Variants in KCTD16 observed in about 807,000 individuals in gnomAD.
KCTD16 encodes potassium channel tetramerization domain containing 16.
A neutral mutation model predicts 33.2 loss-of-function variants in KCTD16; 13 were observed. The ratio of observed to expected loss-of-function variants is 0.39; its 90% CI spans 0.25 to 0.62. The LOEUF (loss-of-function observed/expected upper bound fraction) is 0.62. Among genes scored for constraint, KCTD16 ranks in the 20% least tolerant of loss-of-function variants. The probability of loss-of-function intolerance (pLI) is 0.50; values close to 1 mark genes in which losing one functional copy is unlikely to be tolerated. For missense variants in KCTD16, 441 were observed against 525.1 expected (o/e 0.84, Z 1.57); for synonymous variants, 197 against 195.3 (o/e 1.01, Z -0.07).
chr5:144,176,422 G>A (rs1260046745), intron 2 of KCTD16, among the ~76,000 whole-genome samples: 2 of 125,236 alleles, frequency 1.6e-5, no homozygotes, highest in Admixed American at 9.8e-5. Context: ...TTGAGACGGA[G>A]TCTCGCTCTG....
chr5:144,372,334 T>C (rs540487250), intron 3 of KCTD16, among the ~76,000 whole-genome samples: 19 of 152,164 alleles, frequency 1.2e-4, no homozygotes, highest in Non-Finnish European at 2.2e-4. Context: ...AGTTGGCTAT[T>C]CATTCATTTA....
rs1289724004 is a variant in KCTD16 at position 144,440,225 on chromosome 5, T to C, written c.833-33435T>C. On this transcript the variant is annotated intron_variant, in intron 3 of 3. Transcript: ENST00000512467. ...TCATCATTTTGTCTTAAAATGTATC[T>C]GTTGAAAACACAGGCTGTTTGAACT... Among the ~76,000 whole-genome samples, 5 of 152,340 alleles carry C rather than the reference T, an allele frequency of 3.3e-5. No individual in the cohort carries two copies. In the South Asian group the frequency reaches 1.0e-3, roughly 32 times the overall value.
At position 144,263,457 on chromosome 5, in the gene KCTD16, C is replaced by A. The variant is rs1233437886; in HGVS notation, c.832+55911C>A. 3.3e-5 allele frequency among the ~76,000 whole-genome samples: 5 copies of A among 152,152 alleles called. No individual in the cohort carries two copies. In the East Asian group the frequency reaches 5.8e-4, roughly 18 times the overall value. On this transcript the variant is annotated intron_variant, in intron 3 of 3. Coordinates refer to ENST00000512467, the MANE Select transcript of KCTD16 (RefSeq NM_020768.4). ...CTATGAACAAATGTTAGAATCGGAGCCTTTGAATAGAAAATGGTATCTGGT... is the reference window on the plus strand; with the variant it reads ...CTATGAACAAATGTTAGAATCGGAGACTTTGAATAGAAAATGGTATCTGGT...
intron 3 of KCTD16, among the ~76,000 whole-genome samples, chr5:144,278,483 TTC>T (rs1162859130): frequency 7.3e-6 from 1 of 137,850 alleles, no homozygotes; most frequent in Admixed American, 7.4e-5. Context: ...TTTGTTAGTC[TTC>T]TTTTTTTTTT....
intron 3 of KCTD16, among the ~76,000 whole-genome samples, chr5:144,470,851 G>A (rs1754452552): frequency 6.6e-6 from 1 of 152,200 alleles, no homozygotes; most frequent in African/African-American, 2.4e-5. Context: ...TGAATATACA[G>A]AAATTTTTCA....
chr5:144,317,065 A>G (rs1171262951), intron 3 of KCTD16, among the ~76,000 whole-genome samples: 1 of 151,590 alleles, frequency 6.6e-6, no homozygotes, highest in African/African-American at 2.4e-5. Context: ...TGAACTCGTG[A>G]TCTGCCCGCC....
intron 3 of KCTD16, among the ~76,000 whole-genome samples, chr5:144,287,511 T>C (rs1755777777): frequency 1.3e-5 from 2 of 152,186 alleles, no homozygotes; most frequent in African/African-American, 2.4e-5. Context: ...CCATCCAAGA[T>C]TAATGGCTGA....
intron 3 of KCTD16, among the ~76,000 whole-genome samples, chr5:144,443,046 G>T (rs1472504306): frequency 3.3e-5 from 5 of 152,112 alleles, no homozygotes; most frequent in Admixed American, 2.0e-4. Context: ...AAATAAGAGA[G>T]CTCAAGTTCT....
rs548144596 is a variant in KCTD16, at chr5:144,438,648, T to A, written c.833-35012T>A. On this transcript the variant is annotated intron_variant, in intron 3 of 3. Transcript: ENST00000512467. ...GTATCTTTTGAAAACATAGGCTGGG[T>A]CACTGGCCTCTCCAGCTCTCCTTAG... 7.9e-5 allele frequency among the ~76,000 whole-genome samples: 12 copies of A among 152,294 alleles called. No homozygotes were observed. The East Asian group carries it at 2.3e-3, about 29-fold the overall frequency.
At chr5:144,396,215 C>T (rs762721918) in intron 3 of KCTD16, among the ~76,000 whole-genome samples, 7 of 152,116 alleles carry the variant, frequency 4.6e-5, no homozygotes, top group Non-Finnish European at 1.0e-4. Context: ...CTGTCCCTCC[C>T]TTACATTTAA....
chr5:144,426,218 C>A (rs1021698964), intron 3 of KCTD16, among the ~76,000 whole-genome samples: 5 of 152,166 alleles, frequency 3.3e-5, no homozygotes. Context: ...ACAATTCAAC[C>A]AAAGTCTTTC....
intron 3 of KCTD16, among the ~76,000 whole-genome samples, chr5:144,444,871 A>T (rs1276213527): frequency 6.7e-6 from 1 of 150,084 alleles, no homozygotes; most frequent in Non-Finnish European, 1.5e-5. Flanking sequence ...GTGTGCATGT[A>T]TATATAAATA....
At chr5:144,190,243 T>C (rs1050284286) in intron 2 of KCTD16, among the ~76,000 whole-genome samples, 1 of 152,322 alleles carries the variant, frequency 6.6e-6, no homozygotes. Flanking sequence ...CCATGACTTA[T>C]TTATCTCTGT....
chr5:144,286,970 T>G (rs776293734), intron 3 of KCTD16, among the ~76,000 whole-genome samples: 3 of 152,248 alleles, frequency 2.0e-5, no homozygotes, highest in Non-Finnish European at 4.4e-5. Flanking sequence ...CACACAATCC[T>G]TATGTATTAG....
intron 3 of KCTD16, among the ~76,000 whole-genome samples, chr5:144,342,764 G>C (rs1752680913): frequency 6.6e-6 from 1 of 152,140 alleles, no homozygotes. Flanking sequence ...TCAATACCTA[G>C]TTTATTGAGA....
intron 3 of KCTD16, among the ~76,000 whole-genome samples, chr5:144,227,670 C>A (rs1037969982): frequency 6.6e-5 from 10 of 152,092 alleles, no homozygotes; most frequent in Non-Finnish European, 1.2e-4. Flanking sequence ...ACTGATGAAA[C>A]CAAGGGAAGA....
intron 2 of KCTD16, among the ~76,000 whole-genome samples, chr5:144,197,573 G>A (rs1201586476): frequency 6.6e-6 from 1 of 152,172 alleles, no homozygotes; most frequent in Non-Finnish European, 1.5e-5. Flanking sequence ...GCACTGAACT[G>A]CGATTGGGGA....
intron 3 of KCTD16, among the ~76,000 whole-genome samples, chr5:144,273,365 C>T (rs965087354): frequency 6.6e-6 from 1 of 152,078 alleles, no homozygotes; most frequent in South Asian, 2.1e-4. Flanking sequence ...AAACCCTGTG[C>T]ACTGTTTGTA....
chr5:144,199,643 T>C (rs975766227), intron 2 of KCTD16, among the ~76,000 whole-genome samples: 4 of 152,068 alleles, frequency 2.6e-5, no homozygotes, highest in African/African-American at 4.8e-5. Context: ...GGGAGTTGGC[T>C]TTACTTGACT....
Sources: allele counts gnomAD v4.1 joint callset (sites outside exome capture counted in the v4.1 genomes callset), GRCh38; gene constraint gnomAD v4.1.1; transcripts MANE v1.5; gene names NCBI Gene and HGNC (gene_info 2026-07-23, HGNC 2026-07-21).